SDK2: variants seen among roughly 807,000 people sequenced by gnomAD.
SDK2 encodes protein sidekick-2.
In SDK2, 105 loss-of-function variants were observed where a neutral mutation model predicts 253.9. The ratio of observed to expected loss-of-function variants is 0.41; its 90% CI spans 0.35 to 0.49. SDK2 has a LOEUF of 0.49. SDK2 is among the 20% of genes least tolerant of loss of function. The pLI is 0.06. For missense variants in SDK2, 2,608 were observed against 3,003.0 expected (o/e 0.87, Z 3.07); for synonymous variants, 1,249 against 1,234.9 (o/e 1.01, Z -0.24).
rs1038066557 is a variant in SDK2 at position 73,368,649 on chromosome 17, C to T, written c.4981-56G>A. The T allele has an allele frequency of 5.1e-6, 7 of 1,382,006 alleles. No individual in the cohort carries two copies. In the African/African-American group the frequency reaches 1.0e-4, roughly 20 times the overall value. The allele number at this position is 1,382,006 out of a possible 1,614,324, so 85.6% of individuals were successfully genotyped here. ...GGGACAGGGGCAATGAGAGTCCCTC[C>T]TGTCCCTGCTGACCTGTAGTCTCAG... On this transcript the variant is annotated intron_variant, in intron 36 of 44. Coordinates refer to ENST00000392650, the MANE Select transcript of SDK2 (RefSeq NM_001144952.2).
At chr17:73,592,385 T>A (rs924890298) in intron 1 of SDK2, among the ~76,000 whole-genome samples, 8 of 152,174 alleles carry the variant, frequency 5.3e-5, no homozygotes, top group African/African-American at 9.7e-5. Context: ...CTAATAAAAA[T>A]TAAAATGACC....
chr17:73,601,222 A>C (rs1275291248), intron 1 of SDK2, among the ~76,000 whole-genome samples: 3 of 151,704 alleles, frequency 2.0e-5, no homozygotes, highest in Non-Finnish European at 4.4e-5. Flanking sequence ...GTTTCACCAT[A>C]TTGGCCAGGC....
At chr17:73,438,745 C>T (rs980868615) in intron 6 of SDK2, among the ~76,000 whole-genome samples, 1 of 152,152 alleles carries the variant, frequency 6.6e-6, no homozygotes, top group Admixed American at 6.5e-5. Flanking sequence ...ACCCCCAAGC[C>T]CCCGAGACTT....
rs1318512499 is a variant in SDK2 at position 73,348,740 on chromosome 17, G to A, written c.6039-15C>T. 1.3e-6 allele frequency: 2 copies of A among 1,599,898 alleles called. No individual in the cohort carries two copies. Among genetic ancestry groups the A allele is most frequent in the Admixed American group, 3.3e-5 (2 of 59,896 alleles). ...TGGGGGGAGACCTGGAGAGAGCGGG[G>A]GAGTGGGGCCGAGAGGTGCACTCAC... On this transcript the variant is annotated splice_polypyrimidine_tract_variant and intron_variant, in intron 43 of 44. Transcript: ENST00000392650.
At chr17:73,388,604 G>A (rs1012396232) in intron 29 of SDK2, among the ~76,000 whole-genome samples, 5 of 152,200 alleles carry the variant, frequency 3.3e-5, no homozygotes, top group Admixed American at 3.3e-4. Flanking sequence ...CTTGATGCCA[G>A]TAGCACTCCC....
At chr17:73,420,329 C>T (rs2063219211) in intron 15 of SDK2, among the ~76,000 whole-genome samples, 1 of 152,242 alleles carries the variant, frequency 6.6e-6, no homozygotes, top group Non-Finnish European at 1.5e-5. Flanking sequence ...CCTAAGCATG[C>T]TGCTCGCTCC....
At position 73,423,402 on chromosome 17, in the gene SDK2, C is replaced by T. The variant is rs2063250172; in HGVS notation, c.1881G>A (p.Leu627=). 2 of 1,517,390 alleles carry T rather than the reference C, an allele frequency of 1.3e-6. No homozygotes were observed. The highest frequency in any genetic ancestry group is 1.8e-6 in the Non-Finnish European group (2 of 1,127,902). 94.0% of individuals were successfully genotyped at this position (1,517,390 alleles called of 1,614,324 possible). ...GAAGCTTACTGTTCTCCGACATCTCCAGAATGTAGCGGATCAGGGGGCTGT... is the reference window on the plus strand; with the variant it reads ...GAAGCTTACTGTTCTCCGACATCTCTAGAATGTAGCGGATCAGGGGGCTGT... ...DGNSPLIRYI[L]EMSENNAPWT... The change falls in exon 14 of 45, where the codon CTG becomes CTA. Residue 627 remains leucine, a synonymous_variant. Coordinates refer to ENST00000392650, the MANE Select transcript of SDK2 (RefSeq NM_001144952.2).
rs1344612621 is a variant in SDK2 at position 73,455,420 on chromosome 17, G to A, written c.479+486C>T. 6.6e-6 allele frequency among the ~76,000 whole-genome samples: 1 copy of A among 152,056 alleles called. No individual in the cohort carries two copies. Among genetic ancestry groups the A allele is most frequent in the Non-Finnish European group, 1.5e-5 (1 of 67,992 alleles). On this transcript the variant is annotated intron_variant, in intron 4 of 44. Coordinates refer to ENST00000392650, the MANE Select transcript of SDK2 (RefSeq NM_001144952.2). This position sits in a 1 kb window ranked among gnomAD's most constrained non-coding sequence, Gnocchi z 5.0. ...GAGGCCTGTGTGTTTCTCTGCCCAG[G>A]GCTTCCCTGGCCACACCTCCGCCGC...
At chr17:73,428,479 G>C (rs145839224) in intron 12 of SDK2, among the ~76,000 whole-genome samples, 1 of 152,072 alleles carries the variant, frequency 6.6e-6, no homozygotes, top group Non-Finnish European at 1.5e-5. Context: ...AGGATTCAGC[G>C]GCACCACTTT....
At chr17:73,550,162 G>A (rs2045031777) in intron 1 of SDK2, among the ~76,000 whole-genome samples, 1 of 152,122 alleles carries the variant, frequency 6.6e-6, no homozygotes, top group Admixed American at 6.5e-5. Flanking sequence ...GGTTGAGCTG[G>A]CCTGGCTTGG....
intron 1 of SDK2, among the ~76,000 whole-genome samples, chr17:73,632,019 TGAA>T (rs1190196242): frequency 6.6e-6 from 1 of 152,106 alleles, no homozygotes; most frequent in Non-Finnish European, 1.5e-5. Context: ...TGGGTGAAGC[TGAA>T]GAAGAACCCA....
intron 9 of SDK2, 114 bp from the exon 10 acceptor site, chr17:73,433,962 T>TGGCAG: frequency 1.5e-6 from 1 of 666,992 alleles, no homozygotes; most frequent in Non-Finnish European, 2.6e-6. Flanking sequence ...CCCCCTGCCA[T>TGGCAG]GGTGAGGGGC....
chr17:73,526,250 G>A (rs767614519), intron 1 of SDK2, among the ~76,000 whole-genome samples: 1 of 152,184 alleles, frequency 6.6e-6, no homozygotes, highest in South Asian at 2.1e-4. Context: ...GAGGGTGCAG[G>A]GTTGGGGGCT....
intron 1 of SDK2, among the ~76,000 whole-genome samples, chr17:73,610,410 AACTG>A (rs1327970425): frequency 6.6e-6 from 1 of 152,144 alleles, no homozygotes; most frequent in African/African-American, 2.4e-5. Flanking sequence ...AAAATCAATC[AACTG>A]ACCATTTTGT....
At position 73,383,991 on chromosome 17, in the gene SDK2, G is replaced by T. The variant is rs2062852668; in HGVS notation, c.4590C>A (p.Ile1530=). The stretch of plus-strand genomic sequence containing the variant: ...TCCGGAAGCCCAGGAGGATGCCATT[G>T]ATCTTGTCCTCTGCTGGCGGCTGCA... ...IRWQPPAEDK[I]NGILLGFRIR... The change falls in exon 33 of 45, where the codon ATC becomes ATA. Residue 1530 remains isoleucine (I), a synonymous_variant. Coordinates refer to ENST00000392650, the MANE Select transcript of SDK2 (RefSeq NM_001144952.2). This position sits in a 1 kb window ranked among gnomAD's most constrained non-coding sequence, Gnocchi z 4.3. 6.2e-7 allele frequency: 1 copy of T among 1,613,708 alleles called. No individual in the cohort carries two copies.
Position 73,522,358 on chromosome 17 carries a change from C to T in SDK2, c.65-14761G>A, listed in dbSNP as rs191346369. 1.5e-3 allele frequency among the ~76,000 whole-genome samples: 221 copies of T among 152,316 alleles called. 2 individuals carry two copies. Among genetic ancestry groups the T allele is most frequent in the Admixed American group, 4.3e-3 (66 of 15,304 alleles). On this transcript the variant is annotated intron_variant, in intron 1 of 44. Coordinates refer to ENST00000392650, the MANE Select transcript of SDK2 (RefSeq NM_001144952.2). ...CATGTGCCTGGTGGCAGGTGGCATT[C>T]CCAGACAACAGCCTGGCCCACCTGC...
intron 3 of SDK2, among the ~76,000 whole-genome samples, chr17:73,458,187 G>A (rs190850717): frequency 5.9e-5 from 9 of 152,278 alleles, no homozygotes; most frequent in African/African-American, 1.9e-4. Context: ...TGTTGCCTAG[G>A]CTGGTCTGGA....
At chr17:73,640,471 A>G (rs2143311438) in intron 1 of SDK2, among the ~76,000 whole-genome samples, 3 of 152,250 alleles carry the variant, frequency 2.0e-5, no homozygotes, top group Middle Eastern at 6.8e-3. Context: ...AGGGTGAGGG[A>G]AAGAGGGGCA....
chr17:73,346,525 T>C (rs2062486384), intron 44 of SDK2, among the ~76,000 whole-genome samples: 1 of 152,152 alleles, frequency 6.6e-6, no homozygotes, highest in Non-Finnish European at 1.5e-5. Context: ...TTTGTGTGCA[T>C]CCTGCCCTCT....
Sources: allele counts gnomAD v4.1 joint callset (sites outside exome capture counted in the v4.1 genomes callset), GRCh38; gene constraint gnomAD v4.1.1; non-coding constraint Gnocchi (gnomAD v3.1); transcripts MANE v1.5; gene names NCBI Gene and HGNC (gene_info 2026-07-23, HGNC 2026-07-21).